RIIAD1: variants seen among roughly 807,000 people sequenced by gnomAD.
RIIAD1 encodes the protein regulatory subunit of type II PKA R-subunit domain containing 1.
Under a neutral mutation model 13.3 loss-of-function variants are expected in RIIAD1, and 15 were observed. The observed-to-expected ratio is 1.13, with a 90% CI of 0.76 to 1.74. The LOEUF (loss-of-function observed/expected upper bound fraction) is 1.74, where lower values mean the gene tolerates loss of function less well. Among genes scored for constraint, RIIAD1 ranks in the 40% most tolerant of loss-of-function variants. The pLI is 0.00. For missense variants in RIIAD1, 121 were observed against 112.2 expected, an observed-to-expected ratio of 1.08 and a Z score of -0.35; for synonymous variants, 50 against 43.3, an observed-to-expected ratio of 1.16 and a Z score of -0.61.
At chr1:151,715,486 T>C in intron 4 of RIIAD1, 1 of 624,338 alleles carries the variant, frequency 1.6e-6, no homozygotes, top group Non-Finnish European at 2.6e-6. Flanking sequence ...CCCAATATTA[T>C]CTGAGGCTGC....
chr1:151,727,758 T>C (rs1427470352), intron 3 of RIIAD1, 137 bp downstream of exon 3: 7 of 610,590 alleles, frequency 1.1e-5, no homozygotes, highest in African/African-American at 1.9e-5. Context: ...AAAGGGAGCT[T>C]TTTTCAGCTT....
chr1:151,726,456 G>C (rs1329550761), intron 2 of RIIAD1, among the ~76,000 whole-genome samples: 1 of 152,180 alleles, frequency 6.6e-6, no homozygotes, highest in Non-Finnish European at 1.5e-5. Context: ...TGAAGGAGAA[G>C]GGGGGCAAAA....
upstream of RIIAD1, among the ~76,000 whole-genome samples, chr1:151,717,370 A>G (rs1018955949): frequency 3.3e-5 from 5 of 152,278 alleles, no homozygotes; most frequent in African/African-American, 9.6e-5. Flanking sequence ...GAATGCAGAA[A>G]GAGAACTGTA....
chr1:151,726,292 CT>C (rs1673827751), intron 2 of RIIAD1, among the ~76,000 whole-genome samples: 1 of 152,198 alleles, frequency 6.6e-6, no homozygotes, highest in Non-Finnish European at 1.5e-5. Flanking sequence ...GTTCCTTGGC[CT>C]TTTGGACATT....
intron 4 of RIIAD1, chr1:151,715,589 T>C (rs1673410649): frequency 1.1e-5 from 15 of 1,408,786 alleles, no homozygotes; most frequent in Non-Finnish European, 1.4e-5. Context: ...CTCCATTCTT[T>C]CTTGAGTTCA....
chr1:151,729,264 C>T (rs1647263582), intron 4 of RIIAD1, among the ~76,000 whole-genome samples: 1 of 152,076 alleles, frequency 6.6e-6, no homozygotes, highest in Non-Finnish European at 1.5e-5. Flanking sequence ...GAGACGGTTC[C>T]ATTGCTTCTG....
At chr1:151,721,499 G>T, upstream of RIIAD1, 1 of 1,256,546 alleles carries the variant, frequency 8.0e-7, no homozygotes. Flanking sequence ...GCGGGGCCTC[G>T]CCGGCTCGCG....
At chr1:151,717,302 A>C (rs1673557418), upstream of RIIAD1, among the ~76,000 whole-genome samples, 1 of 152,234 alleles carries the variant, frequency 6.6e-6, no homozygotes, top group African/African-American at 2.4e-5. Context: ...GGGGAAAAAG[A>C]AAAAATGCAG....
At chr1:151,717,134 G>T (rs1235599237), upstream of RIIAD1, among the ~76,000 whole-genome samples, 4 of 152,116 alleles carry the variant, frequency 2.6e-5, no homozygotes, top group East Asian at 3.9e-4. Context: ...CTCAGCAGAT[G>T]GGGGGTGGCG....
At chr1:151,715,909 C>T (rs760053581) in intron 4 of RIIAD1, 1 of 1,614,106 alleles carries the variant, frequency 6.2e-7, no homozygotes, top group South Asian at 1.1e-5. Context: ...TCCTTGATGA[C>T]AGTCAGCTCA....
chr1:151,721,567 C>T lies in RIIAD1; in HGVS notation c.31C>T (p.Pro11Ser). 1.5e-6 allele frequency: 2 copies of T among 1,327,650 alleles called. No individual in the cohort carries two copies. The highest frequency in any genetic ancestry group is 2.8e-4 in the Middle Eastern group (1 of 3,518). The allele number at this position is 1,327,650 out of a possible 1,614,324, so 82.2% of individuals were successfully genotyped here. ...GACGCTGCCAGGCTTGCTGCAGCGG[C>T]CCGACCCCGGGGCGCTTAGCGCAGC... is the stretch of plus-strand genomic sequence containing the variant. METLPGLLQRPDPGALSAAQL... is the reference protein window; with the variant it reads METLPGLLQRSDPGALSAAQL... The change falls in exon 1 of 5, where the codon CCC (proline) becomes TCC (serine). Residue 11 changes from proline to serine, a missense_variant. Pro to Ser is a moderately conservative substitution (Grantham distance 74). Transcript: ENST00000479191.
exon 4 of RIIAD1, chr1:151,714,424 C>T (rs1673283146): frequency 1.5e-6 from 1 of 682,214 alleles, no homozygotes; most frequent in East Asian, 2.7e-5. Context: ...CTCCAGGTAA[C>T]AAGAAATGCA....
upstream of RIIAD1, chr1:151,719,543 TGGGC>T: frequency 2.9e-6 from 2 of 681,680 alleles, no homozygotes; most frequent in South Asian, 3.1e-5. Flanking sequence ...GTGGTATGTG[TGGGC>T]AGAGTGGCTA....
In RIIAD1 at chr1:151,716,251, G is replaced by A. The variant is rs1031263031; in HGVS notation, c.21+1722G>A. On this transcript the variant is annotated intron_variant, in intron 4 of 8. Transcript: ENST00000326413. ...AGGCAGACGCTGTCATGCCACCAGG[G>A]GGCATCGCCTAAACAAACGATCTCC... The A allele has an allele frequency of 1.8e-5, 9 of 491,248 alleles. No homozygotes were observed. In the Admixed American group the frequency reaches 3.2e-4, roughly 17 times the overall value. 30.4% of individuals were successfully genotyped at this position (491,248 alleles called of 1,614,324 possible). A position where few individuals can be genotyped will look rare whatever the true frequency, so the allele number is the denominator to read the frequency against.
chr1:151,715,815 C>G (rs1453578744), intron 4 of RIIAD1: 4 of 1,595,264 alleles, frequency 2.5e-6, no homozygotes, highest in Non-Finnish European at 2.6e-6. Context: ...TCCAGCCTGG[C>G]TTAACTTCCC....
chr1:151,712,288 A>G (rs756405845), intron 2 of RIIAD1, among the ~76,000 whole-genome samples: 9 of 152,158 alleles, frequency 5.9e-5, no homozygotes, highest in Non-Finnish European at 1.3e-4. Flanking sequence ...CCCCTCCACC[A>G]CGGTCACTTT....
rs750690366 is a variant in RIIAD1, at chr1:151,721,548, G to A, written c.12G>A (p.Leu4=). 3.8e-6 allele frequency: 5 copies of A among 1,330,864 alleles called. No homozygotes were observed. Among genetic ancestry groups the A allele is most frequent in the Middle Eastern group, 2.8e-4 (1 of 3,528 alleles). 82.4% of individuals were successfully genotyped at this position (1,330,864 alleles called of 1,614,324 possible). The change falls in exon 1 of 5, where the codon CTG becomes CTA. Residue 4 remains leucine, a synonymous_variant. Transcript: ENST00000479191. ...ACGACCGCAGCAAGATGGAGACGCT[G>A]CCAGGCTTGCTGCAGCGGCCCGACC... MET[L]PGLLQRPDPG... is the part of the protein sequence containing the mutation.
chr1:151,717,438 C>A (rs1284704666), upstream of RIIAD1, among the ~76,000 whole-genome samples: 1 of 152,262 alleles, frequency 6.6e-6, no homozygotes, highest in African/African-American at 2.4e-5. Context: ...GCCGATGCCC[C>A]CTTCTCTCCC....
intron 2 of RIIAD1, among the ~76,000 whole-genome samples, chr1:151,724,648 A>G (rs1187567777): frequency 6.6e-6 from 1 of 152,194 alleles, no homozygotes; most frequent in Non-Finnish European, 1.5e-5. Context: ...TCTCCAGCCT[A>G]TATTGGTAAA....
Sources: allele counts gnomAD v4.1 joint callset (sites outside exome capture counted in the v4.1 genomes callset), GRCh38; gene constraint gnomAD v4.1.1; transcripts MANE v1.5; gene names NCBI Gene and HGNC (gene_info 2026-07-23, HGNC 2026-07-21).